The following UNC5CL variants were observed in gnomAD, a reference collection of about 807,000 sequenced individuals.
The protein encoded by UNC5CL is UNC5C-like protein.
A neutral mutation model predicts 54.1 loss-of-function variants in UNC5CL; 42 were observed. The observed-to-expected ratio is 0.78, with a 90% CI of 0.61 to 1.00. The LOEUF (loss-of-function observed/expected upper bound fraction) is 1.00. Among genes scored for constraint, UNC5CL ranks in the 50% least tolerant of loss-of-function variants. UNC5CL has a pLI of 0.00. For missense variants in UNC5CL, 619 were observed against 675.6 expected (o/e 0.92, Z 0.93); for synonymous variants, 285 against 285.1 (o/e 1.00, Z 0.00).
chr6:41,033,758 T>G (rs1762483457), intron 3 of UNC5CL, 123 bp downstream of exon 3: 1 of 1,158,624 alleles, frequency 8.6e-7, no homozygotes, highest in African/African-American at 1.5e-5. Flanking sequence ...CACCAGGGGA[T>G]AAAGGATTTG....
chr6:41,034,094 C>T lies in UNC5CL; in HGVS notation c.473G>A (p.Gly158Glu). ...ACATGCCACCACAGGGCTTACCAGC[C>T]CCTGGGCTTGGGACAGCGATGGGGC... ...SDAPSLSQAQ[G>E]LVSPVVACGP... is the part of the protein sequence containing the mutation. Residue 158 changes from glycine to glutamate, a missense_variant, in exon 3 of 9, where the codon GGG becomes GAG. Gly to Glu is a moderately conservative substitution (Grantham distance 98). Transcript: ENST00000244565. 1 of 1,614,152 alleles carries T rather than the reference C, an allele frequency of 6.2e-7. No individual in the cohort carries two copies.
At position 41,034,834 on chromosome 6, in the gene UNC5CL, G is replaced by A. The variant is rs1291343811; in HGVS notation, c.241C>T (p.Gln81Ter). 3 of 1,614,120 alleles carry A rather than the reference G, an allele frequency of 1.9e-6. No homozygotes were observed. Among genetic ancestry groups the A allele is most frequent in the Non-Finnish European group, 2.5e-6 (3 of 1,180,044 alleles). ...ATLPEMVAFY[Q>*]ELHTPTQGQT... ...CCTTGAGTGGGTGTGTGTAGCTCCT[G>A]GTAGAAGGCAACCATCTCTGGCAGT... The change falls in exon 2 of 9, where the codon CAG becomes TAG. Residue 81 changes from glutamine to a stop codon, truncating the protein, a stop_gained. Transcript: ENST00000244565. LOFTEE classifies it high-confidence loss of function.
chr6:41,036,049 G>T (rs1762520551), intron 1 of UNC5CL, among the ~76,000 whole-genome samples: 1 of 152,182 alleles, frequency 6.6e-6, no homozygotes, highest in South Asian at 2.1e-4. Flanking sequence ...CATATTTATG[G>T]GTGCATATAT....
At position 41,028,355 on chromosome 6, in the gene UNC5CL, G is replaced by C; in HGVS notation, c.*18C>G. On this transcript the variant is annotated 3_prime_UTR_variant, in exon 9 of 9. Transcript: ENST00000244565. This position sits in a 1 kb window ranked among gnomAD's most constrained non-coding sequence, Gnocchi z 4.3. ...CCCTCTCGCCCCTACACCTCCTCCGGCCCTGCCCGCTGGGCGCTCAGAGCT... is the reference window on the plus strand; with the variant it reads ...CCCTCTCGCCCCTACACCTCCTCCGCCCCTGCCCGCTGGGCGCTCAGAGCT... The C allele has an allele frequency of 6.4e-7, 1 of 1,551,310 alleles. No individual in the cohort carries two copies. The highest frequency in any genetic ancestry group is 8.7e-7 in the Non-Finnish European group (1 of 1,150,302).
chr6:41,030,397 A>C lies in UNC5CL; in HGVS notation c.1325T>G (p.Met442Arg). 1.9e-6 allele frequency: 3 copies of C among 1,613,914 alleles called. No homozygotes were observed. The highest frequency in any genetic ancestry group is 1.7e-6 in the Non-Finnish European group (2 of 1,179,926). ...TCACCCCTCTTCCTACCGGATCTTC[A>C]TGCCGCAAAGCCCCAGGTGGGAGGC... The part of the protein sequence containing the change: ...RLASHLGLCG[M>R]KIRFLSCQRS... Residue 442 changes from methionine (M) to arginine (R), a missense_variant, in exon 8 of 9, where the codon ATG becomes AGG. By Grantham distance (91) the Met-to-Arg change is moderately conservative. Coordinates refer to ENST00000244565, the MANE Select transcript of UNC5CL (RefSeq NM_173561.3).
Position 41,032,093 on chromosome 6 carries a change from G to A in UNC5CL, c.994C>T (p.Leu332Phe), listed in dbSNP as rs756931726. 2.5e-6 allele frequency: 4 copies of A among 1,614,216 alleles called. No homozygotes were observed. The East Asian group carries it at 6.7e-5, about 27-fold the overall frequency. ...GGGCACTTTCCATGCCAGATGTGGA[G>A]ATGGGGAACCAGCTGGCAACTGCTG... ...DDSSCQLVPH[L>F]HIWHGKCPFR... Residue 332 changes from leucine to phenylalanine, a missense_variant, in exon 5 of 9, where the codon CTC (leucine) becomes TTC (phenylalanine). Transcript: ENST00000244565.
rs925957997 is a variant in UNC5CL, at chr6:41,030,759, A to C, written c.1120-4T>G. 4 of 1,613,292 alleles carry C rather than the reference A, an allele frequency of 2.5e-6. No homozygotes were observed. The highest frequency in any genetic ancestry group is 3.4e-6 in the Non-Finnish European group (4 of 1,179,396). Reference sequence around the variant, plus strand: ...CCATATACTTGGTCTCCAAGCCCTGAGTCAACACAGGGCAGGGAACACACT... The same window carrying C: ...CCATATACTTGGTCTCCAAGCCCTGCGTCAACACAGGGCAGGGAACACACT... On this transcript the variant is annotated splice_polypyrimidine_tract_variant and splice_region_variant and intron_variant, in intron 6 of 8. Coordinates refer to ENST00000244565, the MANE Select transcript of UNC5CL (RefSeq NM_173561.3).
At position 41,029,944 on chromosome 6, in the gene UNC5CL, T is replaced by C. The variant is rs1378845724; in HGVS notation, c.1334+444A>G. ...TGACCGCTGCACTCATAGTGTAGTT[T>C]CTGGAGCTTAGCTCAGTATTCTCCT... On this transcript the variant is annotated intron_variant, in intron 8 of 8. Transcript: ENST00000244565. The surrounding 1 kb of genome is among the most constrained non-coding windows in gnomAD (Gnocchi z 4.1). Among the ~76,000 whole-genome samples the C allele has an allele frequency of 1.3e-5, 2 of 152,222 alleles. No homozygotes were observed. The highest frequency in any genetic ancestry group is 2.9e-5 in the Non-Finnish European group (2 of 68,034).
At chr6:41,030,043 T>C (rs1211059736) in intron 8 of UNC5CL, among the ~76,000 whole-genome samples, 1 of 152,174 alleles carries the variant, frequency 6.6e-6, no homozygotes, top group Non-Finnish European at 1.5e-5. Context: ...AATTAACAAG[T>C]GTCAGGCACC....
At chr6:41,038,876 T>C (rs1420662686) in intron 1 of UNC5CL, among the ~76,000 whole-genome samples, 3 of 152,202 alleles carry the variant, frequency 2.0e-5, no homozygotes, top group African/African-American at 7.2e-5. Flanking sequence ...CAACACCTGA[T>C]AGATGTCCAG....
At chr6:41,031,993 G>C (rs1390132974) in intron 5 of UNC5CL, 43 bp downstream of exon 5, 4 of 1,592,748 alleles carry the variant, frequency 2.5e-6, no homozygotes, top group Non-Finnish European at 3.4e-6. Flanking sequence ...AGACAGGATG[G>C]GAAAAGAGAG....
In UNC5CL at chr6:41,032,024, C is replaced by G; in HGVS notation, c.1051+12G>C. The stretch of plus-strand genomic sequence containing the variant: ...GAGAGGGGAGGAGGTACACACAGGG[C>G]TCCCGGACTACCTGCTTTTCTCCGG... On this transcript the variant is annotated intron_variant, in intron 5 of 8. Transcript: ENST00000244565. 3 of 1,613,592 alleles carry G rather than the reference C, an allele frequency of 1.9e-6. No individual in the cohort carries two copies. Among genetic ancestry groups the G allele is most frequent in the Non-Finnish European group, 2.5e-6 (3 of 1,179,612 alleles).
chr6:41,031,928 G>T (rs974783214), intron 5 of UNC5CL, 108 bp downstream of exon 5: 2 of 1,274,446 alleles, frequency 1.6e-6, no homozygotes, highest in Non-Finnish European at 2.3e-6. Flanking sequence ...AGGTCTGTGT[G>T]CATGGCTGCA....
At chr6:41,033,554 G>C in intron 3 of UNC5CL, 1 of 509,240 alleles carries the variant, frequency 2.0e-6, no homozygotes. Context: ...AGTCCTGAAA[G>C]GGGCACAGTG....
intron 1 of UNC5CL, among the ~76,000 whole-genome samples, chr6:41,035,832 A>G (rs79872397): frequency 0.011 from 1,727 of 152,236 alleles, 26 homozygotes; most frequent in African/African-American, 0.038. Context: ...TCCCTGTTTC[A>G]GCCAGTTTTC....
chr6:41,034,326 G>A, intron 2 of UNC5CL, 145 bp from the exon 3 acceptor site: 1 of 980,946 alleles, frequency 1.0e-6, no homozygotes, highest in Non-Finnish European at 1.5e-6. Flanking sequence ...GTATGAACAA[G>A]AGTAAGACGA....
In UNC5CL at chr6:41,034,813, G is replaced by C. The variant is rs1217285668; in HGVS notation, c.262C>G (p.Gln88Glu). 26 of 1,614,238 alleles carry C rather than the reference G, an allele frequency of 1.6e-5. No homozygotes were observed. Among genetic ancestry groups the C allele is most frequent in the African/African-American group, 2.7e-5 (2 of 75,074 alleles). ...AACTGGCGGACCATGGTCTGGCCTT[G>C]AGTGGGTGTGTGTAGCTCCTGGTAG... ...AFYQELHTPTQGQTMVRQLMH... is the reference protein window; with the variant it reads ...AFYQELHTPTEGQTMVRQLMH... Residue 88 changes from glutamine (Q) to glutamate (E), a missense_variant, in exon 2 of 9, where the codon CAA (glutamine) becomes GAA (glutamate). Coordinates refer to ENST00000244565, the MANE Select transcript of UNC5CL (RefSeq NM_173561.3).
chr6:41,032,763 G>A, intron 4 of UNC5CL, 121 bp downstream of exon 4: 1 of 1,370,524 alleles, frequency 7.3e-7, no homozygotes, highest in Non-Finnish European at 9.6e-7. Context: ...TCCATCTCGG[G>A]AAAAAAAAAG....
rs2114004297 is a variant in UNC5CL, at chr6:41,027,330, A to C, written c.*1043T>G. ...GTTTCAGGCAGAGAAAGAAACACAC[A>C]AAGACAGGGCACAGAGACTAGGCAG... On this transcript the variant is annotated 3_prime_UTR_variant, in exon 9 of 9. Transcript: ENST00000244565. 1 of 152,412 alleles carries C rather than the reference A, an allele frequency of 6.6e-6. No individual in the cohort carries two copies. The highest frequency in any genetic ancestry group is 6.5e-5 in the Admixed American group (1 of 15,304). 9.4% of individuals were successfully genotyped at this position (152,412 alleles called of 1,614,324 possible). A position where few individuals can be genotyped will look rare whatever the true frequency, so the allele number is the denominator to read the frequency against.
Sources: allele counts gnomAD v4.1 joint callset (sites outside exome capture counted in the v4.1 genomes callset), GRCh38; gene constraint gnomAD v4.1.1; non-coding constraint Gnocchi (gnomAD v3.1); transcripts MANE v1.5; gene names NCBI Gene and HGNC (gene_info 2026-07-23, HGNC 2026-07-21).